SIPA1L3: variants seen among roughly 807,000 people sequenced by gnomAD.
SIPA1L3 encodes the protein signal-induced proliferation-associated 1-like protein 3.
In SIPA1L3, 59 loss-of-function variants were observed where a neutral mutation model predicts 150.1. That is an observed-to-expected ratio of 0.39 (90% CI 0.32 to 0.49). The LOEUF is 0.49. Ranked by LOEUF, SIPA1L3 falls within the 20% of genes least tolerant of loss-of-function variation. The pLI is 0.86. For missense variants in SIPA1L3, 2,211 were observed against 2,489.5 expected (o/e 0.89, Z 2.38); for synonymous variants, 1,070 against 1,077.6 (o/e 0.99, Z 0.14).
chr19:38,069,650 A>AC (rs1199546395), intron 2 of SIPA1L3, among the ~76,000 whole-genome samples: 1 of 151,764 alleles, frequency 6.6e-6, no homozygotes, highest in Non-Finnish European at 1.5e-5. Flanking sequence ...GTGGACAGAT[A>AC]CCTATATATT....
chr19:37,964,746 C>G (rs966599322), intron 1 of SIPA1L3: 1 of 152,162 alleles, frequency 6.6e-6, no homozygotes, highest in African/African-American at 2.4e-5. Flanking sequence ...GATCCACCCG[C>G]CTCAGCCTCC....
chr19:38,162,494 A>G (rs1972116056), intron 14 of SIPA1L3, 123 bp downstream of exon 14: 3 of 732,308 alleles, frequency 4.1e-6, no homozygotes, highest in Non-Finnish European at 7.1e-6. Flanking sequence ...GGGGTTGAAT[A>G]CTTGGTCTGA....
chr19:38,187,715 C>CAAAAAAAA (rs34187992), intron 16 of SIPA1L3, among the ~76,000 whole-genome samples: 48 of 59,406 alleles, frequency 8.1e-4, no homozygotes, highest in Non-Finnish European at 8.9e-4. Context: ...GACTCCGTCT[C>CAAAAAAAA]AAAAAAAAAA....
intron 1 of SIPA1L3, among the ~76,000 whole-genome samples, chr19:37,916,371 G>A (rs1482760172): frequency 6.6e-6 from 1 of 151,692 alleles, no homozygotes. Flanking sequence ...TTGGTGATGT[G>A]CACCTATAAT....
At chr19:38,140,752 C>T (rs761462661) in intron 10 of SIPA1L3, among the ~76,000 whole-genome samples, 14 of 151,958 alleles carry the variant, frequency 9.2e-5, no homozygotes, top group Non-Finnish European at 1.5e-4. Context: ...AGTATTCACT[C>T]GACTTTTAAA....
At chr19:37,939,589 C>T (rs1318365233) in intron 1 of SIPA1L3, among the ~76,000 whole-genome samples, 1 of 152,168 alleles carries the variant, frequency 6.6e-6, no homozygotes, top group Non-Finnish European at 1.5e-5. Context: ...CTGTATCCTG[C>T]CACCTCATGG....
intron 15 of SIPA1L3, among the ~76,000 whole-genome samples, chr19:38,173,978 G>T (rs1439992190): frequency 6.6e-6 from 1 of 151,754 alleles, no homozygotes; most frequent in Non-Finnish European, 1.5e-5. Context: ...GCAGATGGGG[G>T]GCCCTGTCGG....
At position 38,083,112 on chromosome 19, in the gene SIPA1L3, G is replaced by T. The variant is rs375800646; in HGVS notation, c.1534+13G>T. 6.3e-7 allele frequency: 1 copy of T among 1,599,454 alleles called. No individual in the cohort carries two copies. Among genetic ancestry groups the T allele is most frequent in the Admixed American group, 1.7e-5 (1 of 59,828 alleles). ...TTCGTGGGCAAAGGTGACGGATGGCGTGTGGGTGGGAAGGTTGGGTGGGCC... is the reference window on the plus strand; with the variant it reads ...TTCGTGGGCAAAGGTGACGGATGGCTTGTGGGTGGGAAGGTTGGGTGGGCC... On this transcript the variant is annotated intron_variant, in intron 3 of 21. Transcript: ENST00000222345.
intron 11 of SIPA1L3, 36 bp from the exon 12 acceptor site, chr19:38,142,537 C>T (rs1229582626): frequency 1.3e-6 from 2 of 1,578,240 alleles, no homozygotes; most frequent in Admixed American, 1.7e-5. Flanking sequence ...CCCTCCTACT[C>T]ACCCTCTGCC....
chr19:38,054,496 C>T (rs1258491038), intron 2 of SIPA1L3, among the ~76,000 whole-genome samples: 2 of 152,202 alleles, frequency 1.3e-5, no homozygotes, highest in African/African-American at 4.8e-5. Context: ...ATCCCAGCTA[C>T]TCAGCAGGCA....
chr19:37,935,012 C>A (rs1477810954), intron 1 of SIPA1L3, among the ~76,000 whole-genome samples: 1 of 151,974 alleles, frequency 6.6e-6, no homozygotes, highest in Non-Finnish European at 1.5e-5. Context: ...TGATAACCTT[C>A]TTTAATTAGA....
Position 38,047,542 on chromosome 19 carries a change from T to C in SIPA1L3, c.-311+18386T>C, listed in dbSNP as rs1214792029. Reference sequence around the variant, plus strand: ...CACTGGGTAGGTTTGTGTTATTTTTTCCTCCTTCGACCTCGATCCCTCCTG... The same window carrying C: ...CACTGGGTAGGTTTGTGTTATTTTTCCCTCCTTCGACCTCGATCCCTCCTG... On this transcript the variant is annotated intron_variant, in intron 2 of 21. Transcript: ENST00000222345. This position sits in a 1 kb window ranked among gnomAD's most constrained non-coding sequence, Gnocchi z 4.7. Among the ~76,000 whole-genome samples the C allele has an allele frequency of 6.6e-6, 1 of 152,182 alleles. No individual in the cohort carries two copies. The highest frequency in any genetic ancestry group is 2.4e-5 in the African/African-American group (1 of 41,428).
In SIPA1L3 at chr19:38,193,679, C is replaced by T. The variant is rs373097262; in HGVS notation, c.4739C>T (p.Pro1580Leu). 25 of 1,576,978 alleles carry T rather than the reference C, an allele frequency of 1.6e-5. No homozygotes were observed. The highest frequency in any genetic ancestry group is 1.8e-5 in the Non-Finnish European group (21 of 1,169,240). The change falls in exon 18 of 22, where the codon CCG becomes CTG. Residue 1580 changes from proline to leucine, a missense_variant. Around this residue, in one of 5 missense-constraint regions of SIPA1L3, gnomAD observed 806 missense variants for 870.1 expected, o/e 0.93. Transcript: ENST00000222345. ...DVLFTSTCAF[P>L]SSTLPARRQH... ...CTCTTCACCAGCACCTGCGCCTTCC[C>T]GTCCAGCACGCTGCCTGCACGCCGC... is the stretch of plus-strand genomic sequence containing the variant.
chr19:38,160,494 C>T (rs1346864716), intron 13 of SIPA1L3, among the ~76,000 whole-genome samples: 1 of 151,812 alleles, frequency 6.6e-6, no homozygotes, highest in Non-Finnish European at 1.5e-5. Context: ...CTCCTCCTCC[C>T]AGGTCCAAGC....
At chr19:37,939,488 TTCTC>T (rs892264389) in intron 1 of SIPA1L3, among the ~76,000 whole-genome samples, 18 of 152,166 alleles carry the variant, frequency 1.2e-4, no homozygotes, top group Non-Finnish European at 2.4e-4. Context: ...GATAGCTTAT[TTCTC>T]TCTCACGTAA....
At chr19:38,127,577 C>T (rs1459622238) in intron 9 of SIPA1L3, among the ~76,000 whole-genome samples, 3 of 151,996 alleles carry the variant, frequency 2.0e-5, no homozygotes, top group African/African-American at 7.2e-5. Flanking sequence ...TGCAGTGTCA[C>T]TCTCCTGGGC....
chr19:37,931,184 A>G (rs2046550587), intron 1 of SIPA1L3, among the ~76,000 whole-genome samples: 1 of 152,206 alleles, frequency 6.6e-6, no homozygotes, highest in Admixed American at 6.5e-5. Context: ...ATTGTTGAGC[A>G]TTTTTGTGAG....
intron 1 of SIPA1L3, among the ~76,000 whole-genome samples, chr19:37,943,108 A>T (rs1480362439): frequency 7.2e-6 from 1 of 139,198 alleles, no homozygotes; most frequent in East Asian, 2.1e-4. Flanking sequence ...TCCTGGCACC[A>T]GGTGATCCTC....
At chr19:38,019,698 C>G (rs967704664) in intron 1 of SIPA1L3, among the ~76,000 whole-genome samples, 1 of 152,194 alleles carries the variant, frequency 6.6e-6, no homozygotes, top group African/African-American at 2.4e-5. Flanking sequence ...AGAGCACGGA[C>G]TTTCTGTGTG....
Sources: gnomAD v4.1 joint callset for allele counts (sites outside exome capture counted in the v4.1 genomes callset) on GRCh38, gnomAD v4.1.1 for gene constraint, gnomAD v4.1.1 regional missense constraint, Gnocchi (gnomAD v3.1) non-coding constraint, MANE v1.5 for transcripts, NCBI Gene and HGNC (gene_info 2026-07-23, HGNC 2026-07-21) for gene names.